Variants in TPRG1 observed in about 807,000 individuals in gnomAD.
TPRG1 encodes tumor protein p63-regulated gene 1 protein.
A neutral mutation model predicts 29.3 loss-of-function variants in TPRG1; 29 were observed. That is an observed-to-expected ratio of 0.99 (90% CI 0.74 to 1.35). The LOEUF (loss-of-function observed/expected upper bound fraction) is 1.35, where lower values mean the gene tolerates loss of function less well. Among genes scored for constraint, TPRG1 ranks in the 40% most tolerant of loss-of-function variants. The pLI, the probability that TPRG1 is intolerant of heterozygous loss-of-function variation, is 0.00. For missense variants in TPRG1, 327 were observed against 335.0 expected, an observed-to-expected ratio of 0.98 and a Z score of 0.19; for synonymous variants, 130 against 116.8, an observed-to-expected ratio of 1.11 and a Z score of -0.73.
At chr3:189,261,980 G>T (rs1713142640) in intron 4 of TPRG1, among the ~76,000 whole-genome samples, 1 of 152,110 alleles carries the variant, frequency 6.6e-6, no homozygotes, top group African/African-American at 2.4e-5. Context: ...GTCATATTAG[G>T]ATATGAGATT....
At chr3:189,059,787 A>G (rs1715979362) in intron 4 of TPRG1, among the ~76,000 whole-genome samples, 1 of 152,220 alleles carries the variant, frequency 6.6e-6, no homozygotes, top group Non-Finnish European at 1.5e-5. Context: ...GAAAGGTAAT[A>G]TAGATCAAGT....
At chr3:189,312,135 T>TCTC (rs1560689123) in intron 5 of TPRG1, among the ~76,000 whole-genome samples, 1 of 58,550 alleles carries the variant, frequency 1.7e-5, no homozygotes, top group Non-Finnish European at 3.3e-5. Flanking sequence ...CTTTCTTTCT[T>TCTC]TCTTTCTTTC....
chr3:189,225,077 G>A (rs191091058), intron 3 of TPRG1, among the ~76,000 whole-genome samples: 7 of 152,014 alleles, frequency 4.6e-5, no homozygotes, highest in Admixed American at 3.3e-4. Flanking sequence ...GACTACAGGC[G>A]CCCGCCACCA....
At chr3:189,296,908 T>C (rs1720024190) in intron 4 of TPRG1, among the ~76,000 whole-genome samples, 1 of 152,212 alleles carries the variant, frequency 6.6e-6, no homozygotes, top group African/African-American at 2.4e-5. Flanking sequence ...CTCCACTAAA[T>C]GATAGAAACA....
intron 3 of TPRG1, among the ~76,000 whole-genome samples, chr3:189,146,232 A>G (rs1725245673): frequency 6.6e-6 from 1 of 152,152 alleles, no homozygotes; most frequent in Admixed American, 6.5e-5. Context: ...CCGTGACTAA[A>G]GATCAGTTTC....
At chr3:189,230,762 CTTAA>C (rs1202304972) in intron 3 of TPRG1, among the ~76,000 whole-genome samples, 4 of 152,138 alleles carry the variant, frequency 2.6e-5, no homozygotes, top group African/African-American at 9.7e-5. Flanking sequence ...GCAATAGTGG[CTTAA>C]TTAATATTTA....
At position 189,019,981 on chromosome 3, in the gene TPRG1, A is replaced by G. The variant is rs560563756; in HGVS notation, c.-659-3769A>G. 6.0e-5 allele frequency among the ~76,000 whole-genome samples: 9 copies of G among 151,082 alleles called. 1 individual carries two copies. The East Asian group carries it at 1.2e-3, about 20-fold the overall frequency. On this transcript the variant is annotated intron_variant, in intron 3 of 10. Coordinates refer to the TPRG1 transcript ENST00000433971. ...CTTGGGAGTGTGTATGTGTCGAGGA[A>G]TTTATCCATTTCTTCTAGATTTTCT...
At chr3:189,218,069 G>C in intron 3 of TPRG1, 1 of 977,522 alleles carries the variant, frequency 1.0e-6, no homozygotes, top group Non-Finnish European at 1.2e-6. Context: ...AATTATAGGA[G>C]CTGTAATATG....
chr3:189,158,139 C>T (rs991089187), intron 5 of TPRG1, among the ~76,000 whole-genome samples: 1 of 152,134 alleles, frequency 6.6e-6, no homozygotes, highest in African/African-American at 2.4e-5. Context: ...ATTGGAGGGT[C>T]CCTTAAACCA....
chr3:189,014,972 C>T (rs1302190409), intron 3 of TPRG1, among the ~76,000 whole-genome samples: 1 of 152,128 alleles, frequency 6.6e-6, no homozygotes, highest in Non-Finnish European at 1.5e-5. Context: ...AACTTTGGAA[C>T]TGGTTAGCAA....
chr3:189,246,461 A>G (rs1233725311), intron 4 of TPRG1, among the ~76,000 whole-genome samples: 1 of 152,194 alleles, frequency 6.6e-6, no homozygotes, highest in African/African-American at 2.4e-5. Context: ...CAGTTGGCTC[A>G]TGCTTTTAAT....
intron 4 of TPRG1, among the ~76,000 whole-genome samples, chr3:189,285,628 GC>G (rs1214010601): frequency 6.6e-6 from 1 of 152,174 alleles, no homozygotes; most frequent in Non-Finnish European, 1.5e-5. Flanking sequence ...TCTTCATAGA[GC>G]CTTTTTCACA....
chr3:189,295,941 C>T (rs983210470), intron 4 of TPRG1, among the ~76,000 whole-genome samples: 1 of 147,148 alleles, frequency 6.8e-6, no homozygotes, highest in Non-Finnish European at 1.5e-5. Flanking sequence ...AACATTTAGA[C>T]TGTTTCTTAA....
intron 3 of TPRG1, among the ~76,000 whole-genome samples, chr3:189,217,414 T>A (rs1195803901): frequency 6.6e-6 from 1 of 152,228 alleles, no homozygotes; most frequent in Admixed American, 6.5e-5. Flanking sequence ...GAGTCCTGCA[T>A]ACACATAATT....
intron 4 of TPRG1, among the ~76,000 whole-genome samples, chr3:189,070,038 G>A (rs533349800): frequency 2.2e-4 from 34 of 152,122 alleles, no homozygotes; most frequent in Admixed American, 2.0e-3. Context: ...CAGAGATCAC[G>A]CCACTGCACT....
At chr3:189,112,807 C>T (rs1301738675) in intron 1 of TPRG1, among the ~76,000 whole-genome samples, 2 of 152,056 alleles carry the variant, frequency 1.3e-5, no homozygotes, top group East Asian at 1.9e-4. Flanking sequence ...ATTCAGGTAG[C>T]GTGATGCCTC....
At position 189,031,008 on chromosome 3, in the gene TPRG1, G is replaced by A. The variant is rs113977767; in HGVS notation, c.-463+7062G>A. 2.7e-3 allele frequency among the ~76,000 whole-genome samples: 407 copies of A among 152,276 alleles called. 2 individuals are homozygous for A. The highest frequency in any genetic ancestry group is 8.3e-3 in the South Asian group (40 of 4,824). Reference sequence around the variant, plus strand: ...TTAAAAAGGGCCGAGCGTGGCTCACGCCTGTAATCCCAGCACTTTAGAAGG... The same window carrying A: ...TTAAAAAGGGCCGAGCGTGGCTCACACCTGTAATCCCAGCACTTTAGAAGG... On this transcript the variant is annotated intron_variant, in intron 4 of 10. Transcript: ENST00000433971.
chr3:189,246,253 C>T (rs148434907), intron 4 of TPRG1, among the ~76,000 whole-genome samples: 21 of 152,260 alleles, frequency 1.4e-4, no homozygotes, highest in East Asian at 5.8e-4. Context: ...CTTCACCTTC[C>T]GCTATGATTA....
chr3:189,212,724 A>C (rs892374950), intron 2 of TPRG1, among the ~76,000 whole-genome samples: 1 of 152,224 alleles, frequency 6.6e-6, no homozygotes, highest in African/African-American at 2.4e-5. Context: ...AAGTGACTGC[A>C]GTCTGGACAT....
Sources: gnomAD v4.1 joint callset for allele counts (sites outside exome capture counted in the v4.1 genomes callset) on GRCh38, gnomAD v4.1.1 for gene constraint, MANE v1.5 for transcripts, NCBI Gene and HGNC (gene_info 2026-07-23, HGNC 2026-07-21) for gene names.